TEAD1: variants seen among roughly 807,000 people sequenced by gnomAD.
The protein encoded by TEAD1 is transcriptional enhancer factor TEF-1.
Under a neutral mutation model 54.9 loss-of-function variants are expected in TEAD1, and 9 were observed. The ratio of observed to expected loss-of-function variants is 0.16; its 90% CI spans 0.10 to 0.29. The LOEUF (loss-of-function observed/expected upper bound fraction) is 0.29, where lower values mean the gene tolerates loss of function less well. TEAD1 is among the 10% of genes least tolerant of loss of function. The pLI, the probability that TEAD1 is intolerant of heterozygous loss-of-function variation, is 1.00. For synonymous variants in TEAD1, 200 were observed against 187.8 expected, an observed-to-expected ratio of 1.07 and a Z score of -0.53; for missense variants, 387 against 535.9, an observed-to-expected ratio of 0.72 and a Z score of 2.74.
chr11:12,832,352 G>A (rs1014359358), intron 3 of TEAD1, among the ~76,000 whole-genome samples: 8 of 152,268 alleles, frequency 5.3e-5, no homozygotes, highest in African/African-American at 1.9e-4. Flanking sequence ...AGAAGACTAG[G>A]GGGAAAAATC....
chr11:12,808,879 AAGGTGGC>A (rs2133985134), intron 3 of TEAD1, among the ~76,000 whole-genome samples: 1 of 152,274 alleles, frequency 6.6e-6, no homozygotes, highest in South Asian at 2.1e-4. Context: ...CCCATTCCAT[AAGGTGGC>A]TGTGAGAATG....
intron 5 of TEAD1, among the ~76,000 whole-genome samples, chr11:12,879,170 T>A (rs534094118): frequency 8.5e-4 from 130 of 152,248 alleles, no homozygotes; most frequent in African/African-American, 2.9e-3. Flanking sequence ...TCTGAGCCTC[T>A]CCAGCCAGGT....
chr11:12,689,466 T>C (rs1368428840), intron 2 of TEAD1, among the ~76,000 whole-genome samples: 1 of 152,200 alleles, frequency 6.6e-6, no homozygotes, highest in Non-Finnish European at 1.5e-5. Context: ...GAAATGGACA[T>C]AGAAGTGCCT....
chr11:12,855,327 G>A (rs1011227994), intron 3 of TEAD1, among the ~76,000 whole-genome samples: 1 of 151,054 alleles, frequency 6.6e-6, no homozygotes, highest in Non-Finnish European at 1.5e-5. Context: ...GTCTCGCTCT[G>A]TCATCAGGCT....
chr11:12,701,866 A>G (rs1049636977), intron 2 of TEAD1, among the ~76,000 whole-genome samples: 2 of 152,222 alleles, frequency 1.3e-5, no homozygotes, highest in African/African-American at 4.8e-5. Context: ...CCTGGACTAC[A>G]CTGGGCATAA....
intron 2 of TEAD1, among the ~76,000 whole-genome samples, chr11:12,759,659 G>C (rs967055577): frequency 4.6e-5 from 7 of 152,130 alleles, no homozygotes; most frequent in African/African-American, 1.7e-4. Flanking sequence ...TCAGGAGTTC[G>C]AGACCAGCCT....
Position 12,739,661 on chromosome 11 carries a change from C to T in TEAD1, c.-54-24518C>T, listed in dbSNP as rs577987158. Among the ~76,000 whole-genome samples, 3 of 152,278 alleles carry T rather than the reference C, an allele frequency of 2.0e-5. No individual in the cohort carries two copies. In the South Asian group the frequency reaches 6.2e-4, roughly 32 times the overall value. The stretch of plus-strand genomic sequence containing the variant: ...ATTCAAGGTCCCATTTTATTAAAAC[C>T]TCAAGCATATGTGAAATATTCACTG... On this transcript the variant is annotated intron_variant, in intron 2 of 12. Transcript: ENST00000527636.
chr11:12,890,804 G>T (rs945536859), intron 9 of TEAD1, among the ~76,000 whole-genome samples: 1 of 152,108 alleles, frequency 6.6e-6, no homozygotes, highest in South Asian at 2.1e-4. Flanking sequence ...TTGCTTCGTC[G>T]CCCAGGCTGG....
At chr11:12,747,369 T>C (rs999842335) in intron 2 of TEAD1, among the ~76,000 whole-genome samples, 23 of 152,342 alleles carry the variant, frequency 1.5e-4, no homozygotes, top group Non-Finnish European at 2.9e-4. Context: ...GATGTCTTGC[T>C]ATGTCATCCA....
intron 10 of TEAD1, among the ~76,000 whole-genome samples, chr11:12,923,107 C>T (rs867202748): frequency 4.6e-5 from 7 of 151,952 alleles, no homozygotes; most frequent in Admixed American, 1.3e-4. Flanking sequence ...TGCTCTCTTC[C>T]GGAGTCTTCT....
At chr11:12,829,475 C>T (rs939910370) in intron 3 of TEAD1, among the ~76,000 whole-genome samples, 3 of 152,208 alleles carry the variant, frequency 2.0e-5, no homozygotes, top group South Asian at 2.1e-4. Context: ...ATGCAGAAAA[C>T]ATTGCTTACC....
intron 3 of TEAD1, among the ~76,000 whole-genome samples, chr11:12,790,523 A>T (rs1366319055): frequency 6.6e-6 from 1 of 152,206 alleles, no homozygotes; most frequent in Non-Finnish European, 1.5e-5. Flanking sequence ...AATGAATATA[A>T]TTCTATTAAA....
intron 2 of TEAD1, among the ~76,000 whole-genome samples, chr11:12,724,411 A>G (rs1944273956): frequency 6.6e-6 from 1 of 152,220 alleles, no homozygotes; most frequent in African/African-American, 2.4e-5. Flanking sequence ...ATGAGGCACA[A>G]TTAATTTATT....
At chr11:12,844,848 A>G (rs891654331) in intron 3 of TEAD1, among the ~76,000 whole-genome samples, 2 of 151,834 alleles carry the variant, frequency 1.3e-5, no homozygotes, top group Non-Finnish European at 2.9e-5. Context: ...ATGAGTGAGC[A>G]AAGGGGGTAA....
intron 3 of TEAD1, among the ~76,000 whole-genome samples, chr11:12,833,602 A>G (rs1275277194): frequency 6.6e-6 from 1 of 151,924 alleles, no homozygotes; most frequent in Non-Finnish European, 1.5e-5. Context: ...CGTTAGTTAC[A>G]TTTACTCCTG....
At chr11:12,768,966 G>A (rs977385239) in intron 3 of TEAD1, among the ~76,000 whole-genome samples, 3 of 152,142 alleles carry the variant, frequency 2.0e-5, no homozygotes, top group Non-Finnish European at 4.4e-5. Flanking sequence ...ATAACATAGC[G>A]GAGAGGATCC....
At chr11:12,748,086 C>A (rs1261128019) in intron 2 of TEAD1, among the ~76,000 whole-genome samples, 7 of 151,996 alleles carry the variant, frequency 4.6e-5, no homozygotes, top group Admixed American at 4.6e-4. Flanking sequence ...TTCAGCCTCC[C>A]AAGTAGCTGG....
intron 2 of TEAD1, among the ~76,000 whole-genome samples, chr11:12,731,426 GT>G (rs1944422497): frequency 6.6e-6 from 1 of 151,930 alleles, no homozygotes; most frequent in African/African-American, 2.4e-5. Context: ...TTTGATGTGG[GT>G]GTATATTGTT....
chr11:12,807,976 G>GT (rs1305770258), intron 3 of TEAD1, among the ~76,000 whole-genome samples: 1 of 152,182 alleles, frequency 6.6e-6, no homozygotes, highest in Non-Finnish European at 1.5e-5. Flanking sequence ...CCGCAAAGTG[G>GT]TTTTGAAGGA....
Sources: gnomAD v4.1 joint callset for allele counts (sites outside exome capture counted in the v4.1 genomes callset) on GRCh38, gnomAD v4.1.1 for gene constraint, MANE v1.5 for transcripts, NCBI Gene and HGNC (gene_info 2026-07-23, HGNC 2026-07-21) for gene names.